Variants in EXOSC10 observed in about 807,000 individuals in gnomAD.
EXOSC10 encodes the protein exosome complex component 10.
In EXOSC10, 94 loss-of-function variants were observed where a neutral mutation model predicts 126.6. That is an observed-to-expected ratio of 0.74 (90% CI 0.63 to 0.88). EXOSC10 has a LOEUF of 0.88. EXOSC10 is among the 40% of genes least tolerant of loss of function. The pLI is 0.00. For missense variants in EXOSC10, 1,041 were observed against 1,100.5 expected (o/e 0.95, Z 0.77); for synonymous variants, 395 against 400.8 (o/e 0.99, Z 0.17).
At chr1:11,079,403 T>A (rs903401072) in intron 14 of EXOSC10, among the ~76,000 whole-genome samples, 3 of 149,416 alleles carry the variant, frequency 2.0e-5, no homozygotes, top group African/African-American at 7.4e-5. Flanking sequence ...AATCTTTTTT[T>A]TTTTTTTTGA....
intron 9 of EXOSC10, among the ~76,000 whole-genome samples, chr1:11,083,853 CACCT>C (rs1640333734): frequency 6.6e-6 from 1 of 151,976 alleles, no homozygotes; most frequent in Non-Finnish European, 1.5e-5. Context: ...GTTCAATTCC[CACCT>C]ATGAGTGAGA....
intron 7 of EXOSC10, 72 bp from the exon 8 acceptor site, chr1:11,087,982 A>G (rs1640594296): frequency 7.8e-7 from 1 of 1,279,434 alleles, no homozygotes; most frequent in Non-Finnish European, 1.1e-6. Flanking sequence ...AAAGTGAACT[A>G]CAAGTTTGAG....
chr1:11,085,521 C>G lies in EXOSC10; in HGVS notation c.1089+1927G>C, dbSNP rs1335200434. Among the ~76,000 whole-genome samples, 10 of 152,218 alleles carry G rather than the reference C, an allele frequency of 6.6e-5. No homozygotes were observed. The East Asian group carries it at 1.5e-3, about 23-fold the overall frequency. On this transcript the variant is annotated intron_variant, in intron 9 of 24. Transcript: ENST00000376936. Reference sequence around the variant, plus strand: ...CTTATCAGCTTAAGGAGATTTTGGGCTGAGACAATGGGGTTTTCTAGATAT... The same window carrying G: ...CTTATCAGCTTAAGGAGATTTTGGGGTGAGACAATGGGGTTTTCTAGATAT...
At chr1:11,092,287 G>A (rs897018405) in intron 3 of EXOSC10, among the ~76,000 whole-genome samples, 1 of 151,840 alleles carries the variant, frequency 6.6e-6, no homozygotes, top group Non-Finnish European at 1.5e-5. Flanking sequence ...CGTGATCTCA[G>A]CTAATTGCAA....
chr1:11,082,917 A>G lies in EXOSC10; in HGVS notation c.1090-39T>C, dbSNP rs766433598. On this transcript the variant is annotated intron_variant, in intron 9 of 24. Coordinates refer to ENST00000376936, the MANE Select transcript of EXOSC10 (RefSeq NM_001001998.3). The stretch of plus-strand genomic sequence containing the variant: ...CAAAGTCATGCAGTACACTGGTAGC[A>G]GGCCACTCATGCTCAGAAATTAACT... 8 of 1,517,972 alleles carry G rather than the reference A, an allele frequency of 5.3e-6. No homozygotes were observed. In the South Asian group the frequency reaches 7.9e-5, roughly 15 times the overall value. 94.0% of individuals were successfully genotyped at this position (1,517,972 alleles called of 1,614,324 possible).
rs1430251252 is a variant in EXOSC10 at position 11,079,830 on chromosome 1, CAAGT to C, written c.1638-12_1638-9del. 1.9e-6 allele frequency: 3 copies of C among 1,601,640 alleles called. No homozygotes were observed. The highest frequency in any genetic ancestry group is 1.3e-5 in the African/African-American group (1 of 74,642). On this transcript the variant is annotated splice_polypyrimidine_tract_variant and intron_variant, in intron 13 of 24. Coordinates refer to ENST00000376936, the MANE Select transcript of EXOSC10 (RefSeq NM_001001998.3). ...ATGATGCCCTGAGGTTCCCTGAAGA[CAAGT>C]AAGAACACACTCAACTTGTCACTCA...
chr1:11,073,256 C>G (rs987295170), intron 19 of EXOSC10, among the ~76,000 whole-genome samples: 1 of 152,198 alleles, frequency 6.6e-6, no homozygotes, highest in Non-Finnish European at 1.5e-5. Context: ...CCTCAGCCCC[C>G]CGAGTAGCTG....
At chr1:11,081,580 G>A (rs1489206325) in intron 10 of EXOSC10, among the ~76,000 whole-genome samples, 1 of 152,146 alleles carries the variant, frequency 6.6e-6, no homozygotes, top group Non-Finnish European at 1.5e-5. Flanking sequence ...ACCTCTTTGG[G>A]CTGACCCACC....
intron 9 of EXOSC10, among the ~76,000 whole-genome samples, chr1:11,087,128 C>A (rs1233226769): frequency 1.3e-5 from 2 of 152,152 alleles, no homozygotes; most frequent in African/African-American, 4.8e-5. Flanking sequence ...AAGTCTGAAA[C>A]TGTTATCAAC....
At chr1:11,097,218 A>C (rs1376091767) in intron 2 of EXOSC10, among the ~76,000 whole-genome samples, 1 of 150,970 alleles carries the variant, frequency 6.6e-6, no homozygotes, top group African/African-American at 2.4e-5. Context: ...CTCCCCCCCA[A>C]CAAAAAAAAA....
intron 12 of EXOSC10, 86 bp downstream of exon 12, chr1:11,080,678 T>C (rs958037689): frequency 2.3e-5 from 37 of 1,600,200 alleles, no homozygotes; most frequent in African/African-American, 4.1e-5. Context: ...CCAGCTTTCA[T>C]AGCAAAAGAA....
At chr1:11,083,079 T>C (rs1444230897) in intron 9 of EXOSC10, among the ~76,000 whole-genome samples, 2 of 152,120 alleles carry the variant, frequency 1.3e-5, no homozygotes, top group African/African-American at 4.8e-5. Context: ...GCCTCCCAAG[T>C]AGTTGGGACT....
intron 17 of EXOSC10, among the ~76,000 whole-genome samples, chr1:11,075,026 T>C (rs1639732011): frequency 6.6e-6 from 1 of 152,142 alleles, no homozygotes; most frequent in Non-Finnish European, 1.5e-5. Context: ...TGAAATTTAT[T>C]TTATGTATGT....
intron 19 of EXOSC10, chr1:11,072,504 A>G (rs2791649): frequency 0.63 from 134,449 of 214,676 alleles, 46,129 homozygotes; most frequent in East Asian, 0.77. Flanking sequence ...TGTCCAAGGG[A>G]CATGGTCAGT....
chr1:11,098,374 A>G (rs1378218586), intron 1 of EXOSC10, among the ~76,000 whole-genome samples: 5 of 152,246 alleles, frequency 3.3e-5, no homozygotes, highest in Non-Finnish European at 5.9e-5. Flanking sequence ...TGAGAGACAG[A>G]ATACATACGT....
intron 2 of EXOSC10, among the ~76,000 whole-genome samples, chr1:11,097,493 G>A (rs1021827082): frequency 1.3e-5 from 2 of 152,180 alleles, no homozygotes; most frequent in Admixed American, 6.5e-5. Context: ...TTGGGAGGCC[G>A]AGGCAGGTGG....
intron 1 of EXOSC10, among the ~76,000 whole-genome samples, chr1:11,098,447 T>G (rs978460398): frequency 3.3e-5 from 5 of 152,206 alleles, no homozygotes; most frequent in African/African-American, 1.2e-4. Flanking sequence ...ACGTATTAAC[T>G]GAGATCTTGG....
chr1:11,097,107 G>A (rs1641143180), intron 2 of EXOSC10, among the ~76,000 whole-genome samples: 1 of 152,154 alleles, frequency 6.6e-6, no homozygotes, highest in South Asian at 2.1e-4. Context: ...CTACTGGGGA[G>A]GCTGAGGCAC....
intron 22 of EXOSC10, 135 bp downstream of exon 22, chr1:11,069,424 G>T: frequency 9.5e-7 from 1 of 1,048,158 alleles, no homozygotes; most frequent in Non-Finnish European, 1.4e-6. Flanking sequence ...GGCCTCTCTG[G>T]ACTACTCCAA....
Sources: gnomAD v4.1 joint callset for allele counts (sites outside exome capture counted in the v4.1 genomes callset) on GRCh38, gnomAD v4.1.1 for gene constraint, MANE v1.5 for transcripts, NCBI Gene and HGNC (gene_info 2026-07-23, HGNC 2026-07-21) for gene names.